The following C7 variants were observed in gnomAD, a reference collection of about 807,000 sequenced individuals.
The protein encoded by C7 is complement C7.
C7 carries 83 observed loss-of-function variants against 104.8 expected under a neutral mutation model. The observed-to-expected ratio is 0.79, with a 90% CI of 0.66 to 0.95. The LOEUF (loss-of-function observed/expected upper bound fraction) is 0.95, where lower values mean the gene tolerates loss of function less well. Ranked by LOEUF, C7 falls within the 40% of genes least tolerant of loss-of-function variation. The probability of loss-of-function intolerance (pLI) is 0.00; values close to 1 mark genes in which losing one functional copy is unlikely to be tolerated. For missense variants in C7, 1,070 were observed against 1,011.2 expected (o/e 1.06, Z -0.79); for synonymous variants, 415 against 360.6 (o/e 1.15, Z -1.71).
chr5:40,977,471 C>T (rs550133957), intron 16 of C7, among the ~76,000 whole-genome samples: 55 of 152,324 alleles, frequency 3.6e-4, no homozygotes, highest in African/African-American at 1.2e-3. Context: ...CTGCTAACAG[C>T]TTGACCGTAT....
At chr5:40,917,026 T>C (rs896187778) in intron 1 of C7, among the ~76,000 whole-genome samples, 21 of 151,836 alleles carry the variant, frequency 1.4e-4, no homozygotes, top group Non-Finnish European at 2.6e-4. Context: ...TCCCAGCTAC[T>C]TGGGAGGCTG....
intron 4 of C7, among the ~76,000 whole-genome samples, chr5:40,935,397 G>T (rs1739790358): frequency 6.6e-6 from 1 of 152,164 alleles, no homozygotes; most frequent in South Asian, 2.1e-4. Flanking sequence ...TGCTGCATTG[G>T]ATTGAGTGGC....
intron 3 of C7, among the ~76,000 whole-genome samples, chr5:40,931,647 A>G (rs1306862809): frequency 6.6e-6 from 1 of 152,252 alleles, no homozygotes; most frequent in Non-Finnish European, 1.5e-5. Context: ...GTTGGACTTA[A>G]TGTGGATATT....
At chr5:40,910,273 A>T (rs555667115) in intron 1 of C7, among the ~76,000 whole-genome samples, 2 of 152,252 alleles carry the variant, frequency 1.3e-5, no homozygotes, top group Non-Finnish European at 2.9e-5. Flanking sequence ...GCTATCATAG[A>T]CTAAATCTCT....
intron 5 of C7, among the ~76,000 whole-genome samples, chr5:40,937,045 C>A (rs1163318404): frequency 6.6e-6 from 1 of 151,672 alleles, no homozygotes; most frequent in Non-Finnish European, 1.5e-5. Flanking sequence ...GGTTTCAAGA[C>A]CTAAAAATAA....
At position 40,975,366 on chromosome 5, in the gene C7, C is replaced by CTTTTTTTT. The variant is rs1162765793; in HGVS notation, c.2075-1376_2075-1369dup. Among the ~76,000 whole-genome samples, 6 of 142,012 alleles carry CTTTTTTTT rather than the reference C, an allele frequency of 4.2e-5. 2 individuals are homozygous for CTTTTTTTT. Among genetic ancestry groups the CTTTTTTTT allele is most frequent in the Non-Finnish European group, 6.1e-5 (4 of 65,226 alleles). 93.2% of individuals were successfully genotyped at this position (142,012 alleles called of 152,430 possible). A position where few individuals can be genotyped will look rare whatever the true frequency, so the allele number is the denominator to read the frequency against. ...TAATACCATTTTAAAGAGAAGTGTG[C>CTTTTTTTT]TTTTTTTTTTTTTTTGAGACAAGGT... On this transcript the variant is annotated intron_variant, in intron 15 of 17. Coordinates refer to ENST00000313164, the MANE Select transcript of C7 (RefSeq NM_000587.4).
At chr5:40,925,823 C>G (rs1033584480) in intron 1 of C7, among the ~76,000 whole-genome samples, 4 of 152,136 alleles carry the variant, frequency 2.6e-5, no homozygotes, top group Non-Finnish European at 5.9e-5. Flanking sequence ...AGAGATAACC[C>G]AAACATTTAA....
chr5:40,961,192 A>G (rs1483768196), intron 12 of C7, among the ~76,000 whole-genome samples: 1 of 152,212 alleles, frequency 6.6e-6, no homozygotes, highest in African/African-American at 2.4e-5. Context: ...TTATTAGTTC[A>G]TAATCTTGGA....
intron 3 of C7, among the ~76,000 whole-genome samples, chr5:40,932,868 G>C (rs1301284690): frequency 1.3e-5 from 2 of 152,038 alleles, no homozygotes; most frequent in Admixed American, 1.3e-4. Flanking sequence ...CATTCAGAAA[G>C]AGACAAGTGA....
chr5:40,978,211 G>A lies in C7; in HGVS notation c.2165+1371G>A, dbSNP rs116331462. ...TTCAATGATTTTGGTTATCAAAACC[G>A]ATATCCAACTTCTTGAAGCTACAGT... On this transcript the variant is annotated intron_variant, in intron 16 of 17. Coordinates refer to ENST00000313164, the MANE Select transcript of C7 (RefSeq NM_000587.4). Among the ~76,000 whole-genome samples, 449 of 150,554 alleles carry A rather than the reference G, an allele frequency of 3.0e-3. 3 individuals carry two copies. The highest frequency in any genetic ancestry group is 0.011 in the African/African-American group (435 of 40,922).
At chr5:40,952,221 T>C (rs1182057196) in intron 9 of C7, among the ~76,000 whole-genome samples, 1 of 152,216 alleles carries the variant, frequency 6.6e-6, no homozygotes, top group South Asian at 2.1e-4. Context: ...CTCCTACCTA[T>C]GTGTTAAGTA....
Position 40,976,069 on chromosome 5 carries a change from T to C in C7, c.2075-681T>C, listed in dbSNP as rs74400506. Among the ~76,000 whole-genome samples the C allele has an allele frequency of 8.3e-3, 1,265 of 152,362 alleles. 6 individuals are homozygous for C. The highest frequency in any genetic ancestry group is 0.015 in the Non-Finnish European group (998 of 68,026). On this transcript the variant is annotated intron_variant, in intron 15 of 17. Transcript: ENST00000313164. ...TGTTTACCTGTCAAAACTGAAATGA[T>C]GACTGAATTGTCAGTTTCTATAAAA...
intron 3 of C7, 130 bp from the exon 4 acceptor site, chr5:40,934,195 C>A (rs1739757085): frequency 2.1e-6 from 2 of 952,878 alleles, no homozygotes; most frequent in Non-Finnish European, 2.9e-6. Context: ...AACACCAGAA[C>A]AATTTTCCAG....
intron 15 of C7, among the ~76,000 whole-genome samples, chr5:40,975,653 C>G (rs1371256250): frequency 2.0e-5 from 3 of 152,038 alleles, no homozygotes; most frequent in Admixed American, 1.3e-4. Flanking sequence ...CGTGAGCCAC[C>G]GCGCCCAGCC....
intron 7 of C7, 135 bp from the exon 8 acceptor site, chr5:40,947,467 T>A: frequency 1.1e-6 from 1 of 923,118 alleles, no homozygotes; most frequent in Non-Finnish European, 1.7e-6. Context: ...GTGCTCATCA[T>A]GCGTCAAAAA....
At chr5:40,960,326 G>A (rs1175572501) in intron 12 of C7, among the ~76,000 whole-genome samples, 1 of 152,210 alleles carries the variant, frequency 6.6e-6, no homozygotes, top group Non-Finnish European at 1.5e-5. Context: ...TGAAGGTCAT[G>A]TGAGTTGAAG....
chr5:40,964,767 GA>G lies in C7; in HGVS notation c.1781del (p.Asn594MetfsTer2). On this transcript the variant is annotated frameshift_variant, in exon 14 of 18. Transcript: ENST00000313164. LOFTEE classifies it high-confidence loss of function. ...ATGAAGGTACAATGTTTCCTGTGGG[GA>G]AAAATGTAGTGTACACTTGCAATGA... ...QDEGTMFPVG[K>X]NVVYTCNEGY... 6.2e-7 allele frequency: 1 copy of G among 1,612,670 alleles called. No homozygotes were observed. The highest frequency in any genetic ancestry group is 8.5e-7 in the Non-Finnish European group (1 of 1,178,878).
At position 40,937,540 on chromosome 5, in the gene C7, T is replaced by C. The variant is rs760673153; in HGVS notation, c.429-12T>C. On this transcript the variant is annotated splice_polypyrimidine_tract_variant and intron_variant, in intron 5 of 17. Transcript: ENST00000313164. The stretch of plus-strand genomic sequence containing the variant: ...TTTTATTTCCTCCTTCTCCTCCTCC[T>C]CCTTTTAACAGTTACAATGAACTCA... The C allele has an allele frequency of 1.9e-6, 3 of 1,582,962 alleles. No homozygotes were observed. In the East Asian group the frequency reaches 6.7e-5, roughly 36 times the overall value.
At chr5:40,924,797 C>T (rs938939526) in intron 1 of C7, among the ~76,000 whole-genome samples, 2 of 152,228 alleles carry the variant, frequency 1.3e-5, no homozygotes, top group African/African-American at 4.8e-5. Flanking sequence ...GCTCACTGAG[C>T]CAAGGCTGGA....
Sources: gnomAD v4.1 joint callset for allele counts (sites outside exome capture counted in the v4.1 genomes callset) on GRCh38, gnomAD v4.1.1 for gene constraint, MANE v1.5 for transcripts, NCBI Gene and HGNC (gene_info 2026-07-23, HGNC 2026-07-21) for gene names.